Variants in AKAP9 observed in about 807,000 individuals in gnomAD.
The protein encoded by AKAP9 is A-kinase anchor protein 9.
A neutral mutation model predicts 488.5 loss-of-function variants in AKAP9; 311 were observed. That is an observed-to-expected ratio of 0.64 (90% CI 0.58 to 0.70). The LOEUF is 0.70. Among genes scored for constraint, AKAP9 ranks in the 30% least tolerant of loss-of-function variants. AKAP9 has a pLI of 0.00. For missense variants in AKAP9, 4,215 were observed against 4,374.5 expected (o/e 0.96, Z 1.03); for synonymous variants, 1,462 against 1,483.5 (o/e 0.99, Z 0.33).
Position 92,001,999 on chromosome 7 carries a change from A to G in AKAP9, c.2082A>G (p.Gln694=), listed in dbSNP as rs1276985285. 1 of 1,611,840 alleles carries G rather than the reference A, an allele frequency of 6.2e-7. No individual in the cohort carries two copies. Among genetic ancestry groups the G allele is most frequent in the Non-Finnish European group, 8.5e-7 (1 of 1,179,400 alleles). The change falls in exon 8 of 50, where the codon CAA becomes CAG. Residue 694 remains glutamine (Q), a synonymous_variant. Coordinates refer to ENST00000356239, the MANE Select transcript of AKAP9 (RefSeq NM_005751.5). ...EKDNLITKQN[Q]LILEISKLKD... ...ACAATTTGATAACTAAGCAGAATCA[A>G]TTAATTTTGGAAATTTCAAAGCTAA...
At chr7:91,949,745 T>A (rs1380804884) in intron 1 of AKAP9, among the ~76,000 whole-genome samples, 1 of 152,198 alleles carries the variant, frequency 6.6e-6, no homozygotes, top group Non-Finnish European at 1.5e-5. Flanking sequence ...TATTCAAAAA[T>A]TTAACATTAT....
rs1000354047 is a variant in AKAP9 at position 91,940,997 on chromosome 7, A to C, written c.-103A>C. ...GAGCGCCGGACCGAATCGGCTCTCT[A>C]GGCCGTGGAGCTTGCCGTCCCACCT... On this transcript the variant is annotated 5_prime_UTR_variant, in exon 1 of 50. Coordinates refer to ENST00000356239, the MANE Select transcript of AKAP9 (RefSeq NM_005751.5). 8.1e-7 allele frequency: 1 copy of C among 1,228,482 alleles called. No individual in the cohort carries two copies. The highest frequency in any genetic ancestry group is 1.9e-4 in the Middle Eastern group (1 of 5,328). The allele number at this position is 1,228,482 out of a possible 1,614,324, so 76.1% of individuals were successfully genotyped here.
At position 91,994,648 on chromosome 7, in the gene AKAP9, C is replaced by A. The variant is rs147876926; in HGVS notation, c.604C>A (p.Gln202Lys). 6.2e-7 allele frequency: 1 copy of A among 1,612,764 alleles called. No homozygotes were observed. Among genetic ancestry groups the A allele is most frequent in the Non-Finnish European group, 8.5e-7 (1 of 1,179,472 alleles). ...ACAAGAATTTGAAGCTGCCATTAAA[C>A]AAAGAGATGGCATTATAACCCAGCT... ...QLQEFEAAIKQRDGIITQLTA... is the reference protein window; with the variant it reads ...QLQEFEAAIKKRDGIITQLTA... The change falls in exon 6 of 50, where the codon CAA becomes AAA. Residue 202 changes from glutamine to lysine, a missense_variant. Coordinates refer to ENST00000356239, the MANE Select transcript of AKAP9 (RefSeq NM_005751.5).
At chr7:92,106,514 T>A (rs1482739921) in intron 47 of AKAP9, among the ~76,000 whole-genome samples, 3 of 152,242 alleles carry the variant, frequency 2.0e-5, no homozygotes, top group Non-Finnish European at 1.5e-5. Flanking sequence ...CAAGACAGGA[T>A]TGCTGTTAGT....
At chr7:92,016,977 T>G in intron 11 of AKAP9, 40 bp from the exon 12 acceptor site, 1 of 1,386,582 alleles carries the variant, frequency 7.2e-7, no homozygotes, top group Non-Finnish European at 1.0e-6. Flanking sequence ...AGACTTTTAC[T>G]GTGAAGTGAA....
chr7:92,074,660 C>T (rs189407492), intron 28 of AKAP9, among the ~76,000 whole-genome samples: 47 of 152,278 alleles, frequency 3.1e-4, no homozygotes, highest in East Asian at 7.7e-4. Context: ...GGCACATATA[C>T]ACCATGGAAT....
rs1554413469 is a variant in AKAP9, at chr7:92,018,441, C to CACACACACACACAG, written c.3837+1340_3837+1341insCACACACACACAGA. On this transcript the variant is annotated intron_variant, in intron 12 of 49. Coordinates refer to ENST00000356239, the MANE Select transcript of AKAP9 (RefSeq NM_005751.5). ...ACACACACACACACACACACACACA[C>CACACACACACACAG]AGAGAAATATTCAAAACTAAATGTT... Among the ~76,000 whole-genome samples, 3 of 60,562 alleles carry CACACACACACACAG rather than the reference C, an allele frequency of 5.0e-5. No individual in the cohort carries two copies. In the East Asian group the frequency reaches 9.2e-4, roughly 19 times the overall value. The allele number at this position is 60,562 out of a possible 152,430, so 39.7% of individuals were successfully genotyped here.
At chr7:92,037,613 G>A (rs911752484) in intron 16 of AKAP9, among the ~76,000 whole-genome samples, 13 of 152,154 alleles carry the variant, frequency 8.5e-5, no homozygotes, top group African/African-American at 3.1e-4. Flanking sequence ...AAGTACCTGT[G>A]CTGGGGTGGG....
At position 92,002,460 on chromosome 7, in the gene AKAP9, A is replaced by G; in HGVS notation, c.2543A>G (p.Asn848Ser). The change falls in exon 8 of 50, where the codon AAC becomes AGC. Residue 848 changes from asparagine to serine, a missense_variant. This residue lies in a region of AKAP9 where 2,361 missense variants were observed against 2,430.0 expected (regional missense o/e 0.97). Coordinates refer to ENST00000356239, the MANE Select transcript of AKAP9 (RefSeq NM_005751.5). The stretch of plus-strand genomic sequence containing the variant: ...AATGAAGAGATTGAAAAGCAAAGGA[A>G]CACTTTTTCATTTGCTGAAAAAAAC... The part of the protein sequence containing the change: ...QLNEEIEKQR[N>S]TFSFAEKNFE... The G allele has an allele frequency of 6.2e-7, 1 of 1,610,708 alleles. No homozygotes were observed.
At chr7:91,992,742 A>T in intron 4 of AKAP9, 143 bp from the exon 5 acceptor site, 1 of 705,048 alleles carries the variant, frequency 1.4e-6, no homozygotes, top group Non-Finnish European at 2.4e-6. Context: ...TAAATATGTT[A>T]ACGAAGTAGG....
intron 3 of AKAP9, among the ~76,000 whole-genome samples, chr7:91,984,032 C>T (rs1205609965): frequency 1.3e-5 from 2 of 152,042 alleles, no homozygotes; most frequent in Non-Finnish European, 1.5e-5. Flanking sequence ...TGGATATTAG[C>T]CCTTTGTCAG....
At chr7:92,057,492 A>T (rs2130813356) in intron 22 of AKAP9, 1 of 177,140 alleles carries the variant, frequency 5.6e-6, no homozygotes, top group Non-Finnish European at 1.2e-5. Flanking sequence ...TTCACATTCC[A>T]CCTGTCAGTG....
Position 92,002,468 on chromosome 7 carries a change from T to G in AKAP9, c.2551T>G (p.Ser851Ala). The change falls in exon 8 of 50, where the codon TCA becomes GCA. Residue 851 changes from serine to alanine, a missense_variant. Ser to Ala is a moderately conservative substitution (Grantham distance 99). Around this residue, in one of 5 missense-constraint regions of AKAP9, gnomAD observed 2,361 missense variants for 2,430.0 expected, o/e 0.97. Coordinates refer to ENST00000356239, the MANE Select transcript of AKAP9 (RefSeq NM_005751.5). Reference sequence around the variant, plus strand: ...GATTGAAAAGCAAAGGAACACTTTTTCATTTGCTGAAAAAAACTTTGAAGT... The same window carrying G: ...GATTGAAAAGCAAAGGAACACTTTTGCATTTGCTGAAAAAAACTTTGAAGT... ...EEIEKQRNTF[S>A]FAEKNFEVNY... is the part of the protein sequence containing the mutation. 2 of 1,610,642 alleles carry G rather than the reference T, an allele frequency of 1.2e-6. No homozygotes were observed. Among genetic ancestry groups the G allele is most frequent in the Middle Eastern group, 1.7e-4 (1 of 6,042 alleles).
intron 20 of AKAP9, among the ~76,000 whole-genome samples, chr7:92,043,850 A>G (rs956836391): frequency 6.6e-6 from 1 of 152,180 alleles, no homozygotes; most frequent in Non-Finnish European, 1.5e-5. Flanking sequence ...GCAAGCTCCT[A>G]CAGTGTGAAG....
chr7:92,045,698 C>T (rs1806852896), intron 21 of AKAP9, among the ~76,000 whole-genome samples: 1 of 152,088 alleles, frequency 6.6e-6, no homozygotes, highest in Admixed American at 6.5e-5. Flanking sequence ...TAGATTCTTT[C>T]TTCCTTTTGA....
intron 37 of AKAP9, among the ~76,000 whole-genome samples, chr7:92,088,186 G>C (rs1482986784): frequency 6.6e-6 from 1 of 152,114 alleles, no homozygotes; most frequent in Non-Finnish European, 1.5e-5. Flanking sequence ...CAAGTGATCA[G>C]AATTACTATT....
chr7:92,108,748 G>T (rs1222360068), intron 49 of AKAP9, 115 bp downstream of exon 49: 2 of 1,264,586 alleles, frequency 1.6e-6, no homozygotes, highest in East Asian at 2.5e-5. Context: ...TTTAGTGCAT[G>T]AGCTAATTAT....
Position 92,088,640 on chromosome 7 carries a change from T to C in AKAP9, c.9214-745T>C, listed in dbSNP as rs545800420. On this transcript the variant is annotated intron_variant, in intron 37 of 49. Coordinates refer to ENST00000356239, the MANE Select transcript of AKAP9 (RefSeq NM_005751.5). ...GTTAGGGTTAGGGAGAGAGTTTGACTACAGAGGAGTTTCTTCGTGGTGAGA... is the reference window on the plus strand; with the variant it reads ...GTTAGGGTTAGGGAGAGAGTTTGACCACAGAGGAGTTTCTTCGTGGTGAGA... 3.3e-5 allele frequency among the ~76,000 whole-genome samples: 5 copies of C among 152,330 alleles called. No individual in the cohort carries two copies. The East Asian group carries it at 9.6e-4, about 29-fold the overall frequency.
At chr7:91,958,773 A>G (rs930159433) in intron 1 of AKAP9, among the ~76,000 whole-genome samples, 2 of 152,200 alleles carry the variant, frequency 1.3e-5, no homozygotes, top group Non-Finnish European at 2.9e-5. Flanking sequence ...ATGCATAAGT[A>G]AAACGTTACT....
Sources: gnomAD v4.1 joint callset for allele counts (sites outside exome capture counted in the v4.1 genomes callset) on GRCh38, gnomAD v4.1.1 for gene constraint, gnomAD v4.1.1 regional missense constraint, MANE v1.5 for transcripts, NCBI Gene and HGNC (gene_info 2026-07-23, HGNC 2026-07-21) for gene names.